CABIN1: variants seen among roughly 807,000 people sequenced by gnomAD.
The protein encoded by CABIN1 is calcineurin binding protein 1.
In CABIN1, 133 loss-of-function variants were observed where a neutral mutation model predicts 227.7. The observed-to-expected ratio is 0.58, with a 90% CI of 0.51 to 0.67. The LOEUF (loss-of-function observed/expected upper bound fraction) is 0.67, where lower values mean the gene tolerates loss of function less well. Ranked by LOEUF, CABIN1 falls within the 30% of genes least tolerant of loss-of-function variation. The pLI is 0.00. For missense variants in CABIN1, 2,408 were observed against 2,852.5 expected (o/e 0.84, Z 3.55); for synonymous variants, 1,086 against 1,155.1 (o/e 0.94, Z 1.21).
intron 1 of CABIN1, among the ~76,000 whole-genome samples, chr22:24,018,644 A>G (rs1411611935): frequency 1.3e-5 from 2 of 152,158 alleles, no homozygotes; most frequent in African/African-American, 4.8e-5. Context: ...TTTTGTGTAC[A>G]TATGCAGCAG....
At chr22:24,152,940 G>GAA (rs587594436) in intron 29 of CABIN1, among the ~76,000 whole-genome samples, 8 of 149,660 alleles carry the variant, frequency 5.3e-5, no homozygotes, top group East Asian at 2.0e-4. Flanking sequence ...ACAGAGCAGA[G>GAA]AAAAAAAAAG....
In CABIN1 at chr22:24,166,727, G is replaced by A. The variant is rs1182591994; in HGVS notation, c.5096G>A (p.Gly1699Asp). 1.2e-6 allele frequency: 2 copies of A among 1,612,672 alleles called. No homozygotes were observed. Among genetic ancestry groups the A allele is most frequent in the East Asian group, 2.2e-5 (1 of 44,884 alleles). ...TCACACAAGGCCAGTCCTGAGGATG[G>A]CCAGGAGGGCCTCCCCCAGCCGAAG... The part of the protein sequence containing the change: ...DVSHKASPED[G>D]QEGLPQPKKP... The change falls in exon 32 of 37, where the codon GGC becomes GAC. Residue 1699 changes from glycine (G) to aspartate (D), a missense_variant. By Grantham distance (94) the Gly-to-Asp change is moderately conservative. Coordinates refer to ENST00000263119, the MANE Select transcript of CABIN1 (RefSeq NM_012295.4).
chr22:24,167,596 A>G (rs564255487), intron 32 of CABIN1, among the ~76,000 whole-genome samples: 1 of 152,350 alleles, frequency 6.6e-6, no homozygotes, highest in African/African-American at 2.4e-5. Flanking sequence ...ATCTTAGGGC[A>G]TTTCCTTCAA....
chr22:24,085,288 G>A (rs2041078712), intron 22 of CABIN1, 137 bp downstream of exon 22: 2 of 939,972 alleles, frequency 2.1e-6, no homozygotes, highest in Non-Finnish European at 3.4e-6. Context: ...ATGAGAGGGT[G>A]GTTTAGCACT....
intron 26 of CABIN1, among the ~76,000 whole-genome samples, chr22:24,107,553 A>G (rs1602123637): frequency 1.3e-5 from 2 of 152,246 alleles, no homozygotes; most frequent in South Asian, 4.1e-4. Context: ...TTCTTCAGGG[A>G]GCAGAAGCCC....
chr22:24,093,432 A>T (rs112821869), intron 24 of CABIN1, among the ~76,000 whole-genome samples: 1 of 152,072 alleles, frequency 6.6e-6, no homozygotes. Flanking sequence ...AGTCCCAACT[A>T]CTTGGGAGGC....
chr22:24,069,859 G>A (rs931542191), intron 16 of CABIN1, among the ~76,000 whole-genome samples: 1 of 152,234 alleles, frequency 6.6e-6, no homozygotes, highest in East Asian at 1.9e-4. Context: ...GAGAGTGGCA[G>A]CTGCACATGT....
chr22:24,147,745 T>C (rs2045241596), intron 29 of CABIN1, among the ~76,000 whole-genome samples: 1 of 152,120 alleles, frequency 6.6e-6, no homozygotes, highest in Non-Finnish European at 1.5e-5. Context: ...TGCCTGGCCC[T>C]AGCTGCATCT....
At chr22:24,107,997 A>G (rs1406824560) in intron 26 of CABIN1, among the ~76,000 whole-genome samples, 1 of 152,220 alleles carries the variant, frequency 6.6e-6, no homozygotes, top group Non-Finnish European at 1.5e-5. Flanking sequence ...AGAGACTCTG[A>G]GGCCTCACGA....
At chr22:24,036,216 T>G in intron 3 of CABIN1, 35 bp downstream of exon 3, 1 of 1,412,378 alleles carries the variant, frequency 7.1e-7, no homozygotes, top group Admixed American at 1.7e-5. Context: ...TAGGTGGACC[T>G]TCTCATTTCT....
In CABIN1 at chr22:24,085,046, T is replaced by C. The variant is rs1361655531; in HGVS notation, c.3158T>C (p.Val1053Ala). The C allele has an allele frequency of 6.2e-7, 1 of 1,614,016 alleles. No individual in the cohort carries two copies. The highest frequency in any genetic ancestry group is 1.3e-5 in the African/African-American group (1 of 74,894). ...LPEGADPSPP[V>A]VNELYYLLAD... ...GAGGGGGCTGACCCCTCCCCTCCAGTGGTGAACGAGCTTTACTACCTCCTG... is the reference window on the plus strand; with the variant it reads ...GAGGGGGCTGACCCCTCCCCTCCAGCGGTGAACGAGCTTTACTACCTCCTG... Residue 1053 changes from valine to alanine, a missense_variant, in exon 22 of 37, where the codon GTG becomes GCG. Transcript: ENST00000263119.
intron 22 of CABIN1, 96 bp downstream of exon 22, chr22:24,085,247 T>A: frequency 7.5e-7 from 1 of 1,327,488 alleles, no homozygotes; most frequent in Non-Finnish European, 1.1e-6. Context: ...GGGGTTTCCC[T>A]GTCCATTGCA....
chr22:24,165,474 G>T (rs2046390973), intron 30 of CABIN1, 56 bp from the exon 31 acceptor site: 1 of 1,474,040 alleles, frequency 6.8e-7, no homozygotes, highest in Non-Finnish European at 9.4e-7. Context: ...ATCCAGCAGT[G>T]CCATGTGGTG....
chr22:24,170,168 C>T, intron 33 of CABIN1: 1 of 457,726 alleles, frequency 2.2e-6, no homozygotes, highest in Non-Finnish European at 4.4e-6. Context: ...CTGCCGTGGG[C>T]AGATTTGCGT....
At chr22:24,144,315 C>T (rs955221587) in intron 29 of CABIN1, among the ~76,000 whole-genome samples, 2 of 152,200 alleles carry the variant, frequency 1.3e-5, no homozygotes, top group African/African-American at 2.4e-5. Context: ...TCCTCCTTGC[C>T]TCTCCAGGAG....
At chr22:24,059,023 C>A (rs373171725) in intron 10 of CABIN1, among the ~76,000 whole-genome samples, 1 of 152,196 alleles carries the variant, frequency 6.6e-6, no homozygotes, top group Admixed American at 6.5e-5. Flanking sequence ...GATGAATGAC[C>A]GAGACAGGAT....
chr22:24,157,344 G>C (rs888347871), intron 29 of CABIN1, among the ~76,000 whole-genome samples: 1 of 152,154 alleles, frequency 6.6e-6, no homozygotes, highest in Non-Finnish European at 1.5e-5. Flanking sequence ...TAAAGGCTTC[G>C]GGACTCCTGA....
intron 6 of CABIN1, among the ~76,000 whole-genome samples, chr22:24,044,219 C>G (rs143573975): frequency 1.3e-5 from 2 of 152,330 alleles, no homozygotes; most frequent in Non-Finnish European, 2.9e-5. Flanking sequence ...GCCTCTTGGT[C>G]TGTGATGGGA....
intron 28 of CABIN1, among the ~76,000 whole-genome samples, chr22:24,131,061 A>C (rs1602255559): frequency 6.6e-6 from 1 of 152,204 alleles, no homozygotes; most frequent in African/African-American, 2.4e-5. Context: ...CAGGGCCTGC[A>C]ACAAGGCAGC....
Sources: allele counts gnomAD v4.1 joint callset (sites outside exome capture counted in the v4.1 genomes callset), GRCh38; gene constraint gnomAD v4.1.1; transcripts MANE v1.5; gene names NCBI Gene and HGNC (gene_info 2026-07-23, HGNC 2026-07-21).